AGBL4: variants seen among roughly 807,000 people sequenced by gnomAD.
AGBL4 encodes the protein cytosolic carboxypeptidase 6.
In AGBL4, 58 loss-of-function variants were observed where a neutral mutation model predicts 66.4. The observed-to-expected ratio is 0.87, with a 90% CI of 0.71 to 1.09. The LOEUF (loss-of-function observed/expected upper bound fraction) is 1.09. Ranked by LOEUF, AGBL4 falls within the 50% of genes least tolerant of loss-of-function variation. The pLI is 0.00. For synonymous variants in AGBL4, 234 were observed against 222.9 expected, an observed-to-expected ratio of 1.05 and a Z score of -0.44; for missense variants, 579 against 631.0, an observed-to-expected ratio of 0.92 and a Z score of 0.88.
intron 5 of AGBL4, among the ~76,000 whole-genome samples, chr1:48,956,979 G>T (rs985644404): frequency 2.8e-4 from 43 of 151,964 alleles, no homozygotes; most frequent in Admixed American, 1.3e-4. Flanking sequence ...CTAACATAAT[G>T]AATGGCATAC....
chr1:49,464,951 T>C (rs1646593355), intron 3 of AGBL4, among the ~76,000 whole-genome samples: 1 of 151,604 alleles, frequency 6.6e-6, no homozygotes, highest in Non-Finnish European at 1.5e-5. Flanking sequence ...GACCAGGTAC[T>C]GGATAGGTTT....
intron 1 of AGBL4, among the ~76,000 whole-genome samples, chr1:49,924,336 G>A (rs534324257): frequency 3.3e-5 from 5 of 152,002 alleles, no homozygotes; most frequent in Non-Finnish European, 5.9e-5. Flanking sequence ...AATAACTAAC[G>A]GGTGCTGGCT....
At chr1:48,834,676 C>T (rs1646635929) in intron 6 of AGBL4, among the ~76,000 whole-genome samples, 1 of 152,124 alleles carries the variant, frequency 6.6e-6, no homozygotes, top group Admixed American at 6.6e-5. Context: ...TTCCAGCCTC[C>T]AGAACTGTGA....
At chr1:49,646,270 G>T (rs558913068) in intron 3 of AGBL4, among the ~76,000 whole-genome samples, 68 of 151,986 alleles carry the variant, frequency 4.5e-4, no homozygotes, top group African/African-American at 1.2e-3. Flanking sequence ...CAGCTGACAT[G>T]AATGTCTATA....
chr1:48,896,413 T>C (rs1424779510), intron 5 of AGBL4, among the ~76,000 whole-genome samples: 5 of 152,236 alleles, frequency 3.3e-5, no homozygotes, highest in Non-Finnish European at 5.9e-5. Context: ...GTGATTAGAA[T>C]TCACATCTAC....
chr1:49,791,130 G>T (rs1440078398), intron 2 of AGBL4, among the ~76,000 whole-genome samples: 1 of 152,088 alleles, frequency 6.6e-6, no homozygotes, highest in Non-Finnish European at 1.5e-5. Context: ...AGTGTGAAAT[G>T]TAAAGTGATA....
intron 11 of AGBL4, among the ~76,000 whole-genome samples, chr1:48,547,962 C>T (rs796214256): frequency 2.6e-5 from 4 of 152,232 alleles, no homozygotes; most frequent in African/African-American, 9.6e-5. Context: ...TACATTGAAG[C>T]AAAGCCCTCA....
At chr1:49,801,897 A>C (rs760181282) in intron 2 of AGBL4, among the ~76,000 whole-genome samples, 6 of 152,208 alleles carry the variant, frequency 3.9e-5, no homozygotes, top group Non-Finnish European at 8.8e-5. Flanking sequence ...ATCCTTCTGG[A>C]GATAAAGCTA....
chr1:49,803,127 A>C (rs1412973170), intron 2 of AGBL4, among the ~76,000 whole-genome samples: 2 of 151,276 alleles, frequency 1.3e-5, no homozygotes, highest in Non-Finnish European at 2.9e-5. Flanking sequence ...TATTTAATTA[A>C]ATAAATCTTA....
At chr1:49,982,971 G>A (rs1572008141) in intron 1 of AGBL4, among the ~76,000 whole-genome samples, 1 of 152,132 alleles carries the variant, frequency 6.6e-6, no homozygotes, top group Non-Finnish European at 1.5e-5. Flanking sequence ...GAACAGCCTG[G>A]CTATGAATAA....
At chr1:48,756,241 T>G (rs561730975) in intron 6 of AGBL4, among the ~76,000 whole-genome samples, 2 of 152,228 alleles carry the variant, frequency 1.3e-5, no homozygotes, top group African/African-American at 4.8e-5. Flanking sequence ...CAAAAATTCA[T>G]CATTCAGGCT....
chr1:49,685,190 T>G (rs1458868052), intron 3 of AGBL4, among the ~76,000 whole-genome samples: 2 of 152,134 alleles, frequency 1.3e-5, no homozygotes, highest in Non-Finnish European at 2.9e-5. Flanking sequence ...TTAATTCACT[T>G]AGGATATACC....
intron 1 of AGBL4, among the ~76,000 whole-genome samples, chr1:49,911,499 C>G (rs1650826793): frequency 6.6e-6 from 1 of 152,138 alleles, no homozygotes; most frequent in Non-Finnish European, 1.5e-5. Flanking sequence ...CTACTCTGAA[C>G]TTCAAATCAA....
At chr1:49,475,595 T>A (rs1236681638) in intron 3 of AGBL4, among the ~76,000 whole-genome samples, 1 of 152,050 alleles carries the variant, frequency 6.6e-6, no homozygotes, top group African/African-American at 2.4e-5. Flanking sequence ...TATCCCTTAT[T>A]CAGTTTTATT....
At chr1:49,090,303 G>A (rs12746986) in intron 4 of AGBL4, among the ~76,000 whole-genome samples, 6 of 152,182 alleles carry the variant, frequency 3.9e-5, no homozygotes, top group African/African-American at 1.2e-4. Flanking sequence ...GACTATCCCC[G>A]TTTGCAGACT....
At chr1:49,457,477 C>T (rs1047705901) in intron 3 of AGBL4, among the ~76,000 whole-genome samples, 3 of 151,670 alleles carry the variant, frequency 2.0e-5, no homozygotes, top group Non-Finnish European at 4.4e-5. Flanking sequence ...GTTGGATGTA[C>T]AGACTGTGAA....
At chr1:49,263,385 T>A (rs920761164) in intron 3 of AGBL4, among the ~76,000 whole-genome samples, 20 of 152,068 alleles carry the variant, frequency 1.3e-4, no homozygotes, top group African/African-American at 4.8e-4. Flanking sequence ...AATAGAGTAA[T>A]CCTCACAATG....
At chr1:49,846,548 T>G in intron 2 of AGBL4, 5 of 534,036 alleles carry the variant, frequency 9.4e-6, no homozygotes, top group Middle Eastern at 4.6e-4. Context: ...GACAATCCAC[T>G]GAAGGAAAGA....
At position 49,452,529 on chromosome 1, in the gene AGBL4, C is replaced by G. The variant is rs1646300161; in HGVS notation, c.283-206665G>C. On this transcript the variant is annotated intron_variant, in intron 3 of 13. Transcript: ENST00000371839. ...TGATTACATGGGGGTTCAATAGTCT[C>G]TTAGCACACAGTACATGCTTTTACC... Among the ~76,000 whole-genome samples the G allele has an allele frequency of 1.3e-5, 2 of 151,842 alleles. 1 individual carries two copies. The highest frequency in any genetic ancestry group is 4.8e-5 in the African/African-American group (2 of 41,402).
Sources: gnomAD v4.1 joint callset for allele counts (sites outside exome capture counted in the v4.1 genomes callset) on GRCh38, gnomAD v4.1.1 for gene constraint, MANE v1.5 for transcripts, NCBI Gene and HGNC (gene_info 2026-07-23, HGNC 2026-07-21) for gene names.